The following STAU1 variants were observed in gnomAD, a reference collection of about 807,000 sequenced individuals.
STAU1 encodes the protein double-stranded RNA-binding protein Staufen homolog 1.
A neutral mutation model predicts 62.9 loss-of-function variants in STAU1; 13 were observed. The observed-to-expected ratio is 0.21, with a 90% CI of 0.13 to 0.33. STAU1 has a LOEUF of 0.33. Ranked by LOEUF, STAU1 falls within the 10% of genes least tolerant of loss-of-function variation. The probability of loss-of-function intolerance (pLI) is 1.00; values close to 1 mark genes in which losing one functional copy is unlikely to be tolerated. For missense variants in STAU1, 571 were observed against 712.1 expected, an observed-to-expected ratio of 0.80 and a Z score of 2.25; for synonymous variants, 269 against 265.1, an observed-to-expected ratio of 1.01 and a Z score of -0.14.
chr20:49,186,585 A>G lies in STAU1; in HGVS notation c.-160+1531T>C, dbSNP rs140942795. Among the ~76,000 whole-genome samples, 24 of 152,226 alleles carry G rather than the reference A, an allele frequency of 1.6e-4. No homozygotes were observed. The East Asian group carries it at 3.7e-3, about 23-fold the overall frequency. On this transcript the variant is annotated intron_variant, in intron 1 of 13. Transcript: ENST00000371856. ...ACTCATATAAAATTGAACACCCATA[A>G]GTTGCATTTCCTTAGAGTACACCTA...
At chr20:49,182,829 A>T (rs900945375) in intron 1 of STAU1, among the ~76,000 whole-genome samples, 7 of 145,376 alleles carry the variant, frequency 4.8e-5, no homozygotes, top group African/African-American at 7.7e-5. Flanking sequence ...ACAGAGCCAG[A>T]CTCCGTCTCA....
chr20:49,148,396 C>T (rs2093172159), intron 5 of STAU1, among the ~76,000 whole-genome samples: 2 of 152,182 alleles, frequency 1.3e-5, no homozygotes, highest in South Asian at 4.1e-4. Context: ...AGACTTGGGT[C>T]CCATTCCCAA....
chr20:49,209,881 T>C, the STAU1 span, among the ~76,000 whole-genome samples: 1 of 151,650 alleles, frequency 6.6e-6, no homozygotes, highest in East Asian at 1.9e-4. Context: ...ACCCCGTCTC[T>C]ACTAAAAATA....
At chr20:49,162,015 C>G (rs1334187092) in intron 3 of STAU1, among the ~76,000 whole-genome samples, 2 of 152,164 alleles carry the variant, frequency 1.3e-5, no homozygotes, top group African/African-American at 4.8e-5. Context: ...GTCTTCTGAG[C>G]AGACACTGGT....
intron 5 of STAU1, among the ~76,000 whole-genome samples, chr20:49,141,469 T>C (rs145031532): frequency 1.3e-5 from 2 of 152,212 alleles, no homozygotes; most frequent in East Asian, 1.9e-4. Context: ...AGTGTGCCTA[T>C]AGTCCCAGCT....
At chr20:49,209,612 C>T in the STAU1 span, among the ~76,000 whole-genome samples, 24 of 151,974 alleles carry the variant, frequency 1.6e-4, no homozygotes, top group Non-Finnish European at 1.6e-4. Flanking sequence ...GGCAGGGTGT[C>T]GGATGCCTGT....
intron 7 of STAU1, among the ~76,000 whole-genome samples, chr20:49,124,081 C>T (rs1357400533): frequency 1.3e-5 from 2 of 152,222 alleles, no homozygotes; most frequent in Non-Finnish European, 2.9e-5. Context: ...ACCACGCGCC[C>T]CACAGACCGG....
At chr20:49,206,415 T>A in the STAU1 span, among the ~76,000 whole-genome samples, 2 of 76,092 alleles carry the variant, frequency 2.6e-5, no homozygotes, top group Admixed American at 1.2e-4. Context: ...TTCCTTCTGG[T>A]TTTTTTTTTT....
At chr20:49,118,122 C>G in intron 10 of STAU1, 26 bp from the exon 11 acceptor site, 1 of 1,599,180 alleles carries the variant, frequency 6.3e-7, no homozygotes, top group Non-Finnish European at 8.6e-7. Flanking sequence ...ACGGTAAACA[C>G]GAATCCACAT....
In STAU1 at chr20:49,135,037, A is replaced by T. The variant is rs181005313; in HGVS notation, c.609+796T>A. 400 of 1,526,400 alleles carry T rather than the reference A, an allele frequency of 2.6e-4. No individual in the cohort carries two copies. In the East Asian group the frequency reaches 8.9e-3, roughly 34 times the overall value. 94.6% of individuals were successfully genotyped at this position (1,526,400 alleles called of 1,614,324 possible). On this transcript the variant is annotated intron_variant, in intron 6 of 13. Transcript: ENST00000371856. Reference sequence around the variant, plus strand: ...AGCGAAGGGAGCCCGGGCAGCCGCCATCTCCAGAGCCCTGGGCAGCATTTT... The same window carrying T: ...AGCGAAGGGAGCCCGGGCAGCCGCCTTCTCCAGAGCCCTGGGCAGCATTTT...
chr20:49,206,961 G>A, the STAU1 span, among the ~76,000 whole-genome samples: 3 of 151,194 alleles, frequency 2.0e-5, no homozygotes, highest in Non-Finnish European at 2.9e-5. Flanking sequence ...TCACCATGTT[G>A]GCCAGGATAG....
At chr20:49,192,959 T>C (rs2093833079), upstream of STAU1, among the ~76,000 whole-genome samples, 1 of 152,156 alleles carries the variant, frequency 6.6e-6, no homozygotes, top group Non-Finnish European at 1.5e-5. Flanking sequence ...ATAGCAAACA[T>C]ACTATTGGTA....
At chr20:49,141,364 GGTTT>G (rs1201743155) in intron 5 of STAU1, among the ~76,000 whole-genome samples, 1 of 152,154 alleles carries the variant, frequency 6.6e-6, no homozygotes, top group Non-Finnish European at 1.5e-5. Flanking sequence ...TGAGATGGAT[GGTTT>G]GTTTGAAGTC....
intron 5 of STAU1, 69 bp downstream of exon 5, chr20:49,151,513 T>G: frequency 7.1e-7 from 1 of 1,408,032 alleles, no homozygotes; most frequent in Non-Finnish European, 9.3e-7. Flanking sequence ...AAAGATAATG[T>G]GCGGTGACAT....
intron 1 of STAU1, among the ~76,000 whole-genome samples, chr20:49,179,734 A>C (rs555905342): frequency 2.0e-5 from 3 of 152,344 alleles, no homozygotes; most frequent in African/African-American, 7.2e-5. Context: ...GGATTTCAAA[A>C]CAGCAAAGAT....
chr20:49,202,308 T>A, the STAU1 span, among the ~76,000 whole-genome samples: 1 of 151,344 alleles, frequency 6.6e-6, no homozygotes, highest in Non-Finnish European at 1.5e-5. Context: ...CACATTGTAA[T>A]CCCAGCACTT....
intron 10 of STAU1, 98 bp from the exon 11 acceptor site, chr20:49,118,194 C>T: frequency 7.2e-7 from 1 of 1,395,370 alleles, no homozygotes; most frequent in Non-Finnish European, 1.0e-6. Context: ...CCTTGGCACG[C>T]ATGGCAGCGC....
intron 5 of STAU1, among the ~76,000 whole-genome samples, chr20:49,147,073 C>A (rs1373418080): frequency 6.6e-6 from 1 of 152,202 alleles, no homozygotes; most frequent in African/African-American, 2.4e-5. Flanking sequence ...CCTCTCTGGG[C>A]ATACACTGTC....
chr20:49,167,623 T>A (rs568250061), intron 2 of STAU1, among the ~76,000 whole-genome samples: 35 of 152,222 alleles, frequency 2.3e-4, no homozygotes, highest in Non-Finnish European at 4.3e-4. Context: ...CATAATGGTC[T>A]TAGAAGACAA....
Sources: allele counts gnomAD v4.1 joint callset (sites outside exome capture counted in the v4.1 genomes callset), GRCh38; gene constraint gnomAD v4.1.1; transcripts MANE v1.5; gene names NCBI Gene and HGNC (gene_info 2026-07-23, HGNC 2026-07-21).